ENPEP: variants seen among roughly 807,000 people sequenced by gnomAD.
ENPEP encodes the protein glutamyl aminopeptidase, also known as AP-A.
A neutral mutation model predicts 114.5 loss-of-function variants in ENPEP; 103 were observed. That is an observed-to-expected ratio of 0.90 (90% CI 0.77 to 1.06). The LOEUF (loss-of-function observed/expected upper bound fraction) is 1.06. ENPEP is among the 50% of genes least tolerant of loss of function. The pLI is 0.00. For missense variants in ENPEP, 1,196 were observed against 1,161.3 expected (o/e 1.03, Z -0.43); for synonymous variants, 420 against 422.0 (o/e 1.00, Z 0.06).
At chr4:110,546,474 G>A (rs1266134351) in intron 13 of ENPEP, among the ~76,000 whole-genome samples, 1 of 151,942 alleles carries the variant, frequency 6.6e-6, no homozygotes, top group Non-Finnish European at 1.5e-5. Flanking sequence ...AAGGCTGCGT[G>A]GGGGCAGGAG....
At chr4:110,477,206 A>G (rs1724146754) in intron 1 of ENPEP, 148 bp downstream of exon 1, 1 of 1,168,898 alleles carries the variant, frequency 8.6e-7, no homozygotes, top group Admixed American at 2.9e-5. Context: ...CCATCTGGGA[A>G]GCCAAAATTG....
chr4:110,481,160 G>A (rs999422168), intron 1 of ENPEP, among the ~76,000 whole-genome samples: 2 of 152,140 alleles, frequency 1.3e-5, no homozygotes, highest in African/African-American at 4.8e-5. Flanking sequence ...AAAAATAGCA[G>A]GGGAGAGATT....
At chr4:110,484,452 C>T (rs1438098796) in intron 1 of ENPEP, among the ~76,000 whole-genome samples, 1 of 151,940 alleles carries the variant, frequency 6.6e-6, no homozygotes, top group Non-Finnish European at 1.5e-5. Context: ...CATTATATAG[C>T]TCTTCGGGTT....
intron 3 of ENPEP, among the ~76,000 whole-genome samples, chr4:110,504,367 A>G (rs1045499081): frequency 1.3e-5 from 2 of 152,156 alleles, no homozygotes; most frequent in Non-Finnish European, 2.9e-5. Context: ...TCTTTGATCC[A>G]TACCTAGTCC....
At chr4:110,478,956 G>C (rs1724211886) in intron 1 of ENPEP, among the ~76,000 whole-genome samples, 1 of 152,162 alleles carries the variant, frequency 6.6e-6, no homozygotes, top group Non-Finnish European at 1.5e-5. Flanking sequence ...GGGTCAAAGT[G>C]TACAAATATA....
intron 8 of ENPEP, 91 bp from the exon 9 acceptor site, chr4:110,519,917 A>G (rs980734288): frequency 2.6e-6 from 3 of 1,132,206 alleles, no homozygotes; most frequent in Non-Finnish European, 2.6e-6. Flanking sequence ...CAATGGAGGT[A>G]GAATTGAGTA....
intron 8 of ENPEP, 138 bp from the exon 9 acceptor site, chr4:110,519,870 C>T: frequency 1.6e-6 from 1 of 630,248 alleles, no homozygotes; most frequent in Non-Finnish European, 2.8e-6. Flanking sequence ...AACAGCCGTG[C>T]TCATTCATGT....
chr4:110,559,696 C>A lies in ENPEP; in HGVS notation c.2692C>A (p.Pro898Thr), dbSNP rs191649605. The A allele has an allele frequency of 6.2e-7, 1 of 1,613,748 alleles. No homozygotes were observed. The highest frequency in any genetic ancestry group is 2.2e-5 in the East Asian group (1 of 44,868). ...TGGCCGAATTGTCACAATAGCAGAG[C>A]CATTCAACACTGAACTGCAACTGTG... ...NLGRIVTIAEPFNTELQLWQM... is the reference protein window; with the variant it reads ...NLGRIVTIAETFNTELQLWQM... The change falls in exon 19 of 20, where the codon CCA becomes ACA. Residue 898 changes from proline to threonine, a missense_variant. Coordinates refer to ENST00000265162, the MANE Select transcript of ENPEP (RefSeq NM_001977.4).
At chr4:110,542,397 C>T (rs963412263) in intron 11 of ENPEP, among the ~76,000 whole-genome samples, 1 of 151,968 alleles carries the variant, frequency 6.6e-6, no homozygotes, top group East Asian at 1.9e-4. Flanking sequence ...ATGGACTACC[C>T]CTGAAGGCAT....
chr4:110,553,671 T>G (rs79389692), intron 18 of ENPEP, among the ~76,000 whole-genome samples: 227 of 152,172 alleles, frequency 1.5e-3, no homozygotes, highest in African/African-American at 5.3e-3. Flanking sequence ...AACTGACCTA[T>G]AGGATTCTGA....
intron 2 of ENPEP, among the ~76,000 whole-genome samples, chr4:110,489,596 A>G (rs1314885636): frequency 2.0e-5 from 3 of 152,070 alleles, no homozygotes; most frequent in Non-Finnish European, 4.4e-5. Flanking sequence ...AAAAAGAAAA[A>G]AGAGAAAAAA....
chr4:110,542,711 T>G lies in ENPEP; in HGVS notation c.1808-40T>G, dbSNP rs371687793. ...CTAATTTCTCTGTGTTGACAGTGCA[T>G]GCAAACATGTTGCTCATTAGTGTTT... On this transcript the variant is annotated intron_variant, in intron 11 of 19. Transcript: ENST00000265162. The G allele has an allele frequency of 2.3e-4, 365 of 1,571,204 alleles. 3 individuals carry two copies. Among genetic ancestry groups the G allele is most frequent in the Admixed American group, 1.5e-3 (82 of 54,526 alleles).
chr4:110,511,437 G>C lies in ENPEP; in HGVS notation c.1308+1079G>C, dbSNP rs538532253. ...CTAAAAATGTCTCCACATATTTCCA[G>C]CTGTCTCGTGGGGGACAAAAATCTC... On this transcript the variant is annotated intron_variant, in intron 6 of 19. Transcript: ENST00000265162. Among the ~76,000 whole-genome samples, 3 of 152,118 alleles carry C rather than the reference G, an allele frequency of 2.0e-5. No individual in the cohort carries two copies. In the South Asian group the frequency reaches 6.2e-4, roughly 32 times the overall value.
chr4:110,487,812 C>T (rs1463029102), intron 1 of ENPEP, among the ~76,000 whole-genome samples: 3 of 152,024 alleles, frequency 2.0e-5, no homozygotes, highest in Non-Finnish European at 4.4e-5. Context: ...AGCAATTACT[C>T]AGAAAATAAT....
chr4:110,536,812 T>C (rs1365398605), intron 11 of ENPEP, among the ~76,000 whole-genome samples: 1 of 152,162 alleles, frequency 6.6e-6, no homozygotes, highest in Non-Finnish European at 1.5e-5. Flanking sequence ...ATTTTTCCAG[T>C]TTCCTATTCA....
At chr4:110,520,190 A>G (rs1725932373) in intron 9 of ENPEP, 25 bp from the exon 10 acceptor site, 2 of 1,607,020 alleles carry the variant, frequency 1.2e-6, no homozygotes, top group South Asian at 2.2e-5. Context: ...TAATTAATTA[A>G]TCTCCATTTT....
At chr4:110,490,377 G>C (rs1724660871) in intron 2 of ENPEP, among the ~76,000 whole-genome samples, 1 of 152,208 alleles carries the variant, frequency 6.6e-6, no homozygotes, top group South Asian at 2.1e-4. Context: ...TAGAGTGGCT[G>C]CAGGAGATGT....
intron 1 of ENPEP, among the ~76,000 whole-genome samples, chr4:110,481,100 T>A (rs1440171234): frequency 6.6e-6 from 1 of 152,224 alleles, no homozygotes; most frequent in Non-Finnish European, 1.5e-5. Context: ...CTTCCCAAAG[T>A]ATGTACTGCA....
In ENPEP at chr4:110,562,116, C is replaced by T. The variant is rs1727700919; in HGVS notation, c.*558C>T. On this transcript the variant is annotated 3_prime_UTR_variant, in exon 20 of 20. Transcript: ENST00000265162. ...TTTACTTGAGGATCATATGAATTAG[C>T]CAAAAGAATGGCTGACTGTTGCCTT... 1 of 152,064 alleles carries T rather than the reference C, an allele frequency of 6.6e-6. No individual in the cohort carries two copies. The highest frequency in any genetic ancestry group is 1.5e-5 in the Non-Finnish European group (1 of 67,996). 9.4% of individuals were successfully genotyped at this position (152,064 alleles called of 1,614,324 possible).
Sources: allele counts gnomAD v4.1 joint callset (sites outside exome capture counted in the v4.1 genomes callset), GRCh38; gene constraint gnomAD v4.1.1; transcripts MANE v1.5; gene names NCBI Gene and HGNC (gene_info 2026-07-23, HGNC 2026-07-21).